The following FBRSL1 variants were observed in gnomAD, a reference collection of about 807,000 sequenced individuals.
FBRSL1 encodes fibrosin like 1.
In FBRSL1, 51 loss-of-function variants were observed where a neutral mutation model predicts 89.6. That is an observed-to-expected ratio of 0.57 (90% CI 0.45 to 0.72). FBRSL1 has a LOEUF of 0.72. Ranked by LOEUF, FBRSL1 falls within the 30% of genes least tolerant of loss-of-function variation. FBRSL1 has a pLI of 0.00. For missense variants in FBRSL1, 1,618 were observed against 1,451.8 expected (o/e 1.11, Z -1.86); for synonymous variants, 779 against 681.1 (o/e 1.14, Z -2.24).
chr12:132,528,048 C>A, intron 4 of FBRSL1, 60 bp downstream of exon 4: 1 of 1,451,800 alleles, frequency 6.9e-7, no homozygotes, highest in Non-Finnish European at 9.5e-7. Flanking sequence ...GACCAGGTCC[C>A]CACCTCACCT....
chr12:132,581,588 G>C, intron 16 of FBRSL1, 72 bp downstream of exon 16: 4 of 1,525,792 alleles, frequency 2.6e-6, no homozygotes, highest in Non-Finnish European at 3.6e-6. Flanking sequence ...GGAATTAGGT[G>C]GGCGGGAAGG....
At chr12:132,510,105 C>G in intron 2 of FBRSL1, 4 of 1,225,778 alleles carry the variant, frequency 3.3e-6, no homozygotes, top group Non-Finnish European at 4.1e-6. Flanking sequence ...GCTCATGGGC[C>G]CGGAGCAGCC....
intron 1 of FBRSL1, among the ~76,000 whole-genome samples, chr12:132,501,291 C>T (rs112848641): frequency 2.0e-4 from 31 of 152,330 alleles, no homozygotes; most frequent in African/African-American, 6.5e-4. Context: ...AAGCTGGGGC[C>T]GAGCGGCGGC....
chr12:132,571,458 G>T, intron 9 of FBRSL1: 1 of 1,550,326 alleles, frequency 6.5e-7, no homozygotes, highest in South Asian at 1.2e-5. Flanking sequence ...ACACACACCA[G>T]CACCAACACA....
chr12:132,568,328 G>A (rs1566220177), intron 6 of FBRSL1, among the ~76,000 whole-genome samples: 1 of 152,272 alleles, frequency 6.6e-6, no homozygotes, highest in Non-Finnish European at 1.5e-5. Context: ...GCCAATGCCG[G>A]CAAGGATGGG....
intron 11 of FBRSL1, among the ~76,000 whole-genome samples, chr12:132,573,341 C>G (rs1371533438): frequency 6.6e-6 from 1 of 152,174 alleles, no homozygotes. Flanking sequence ...CCCTGGGCTC[C>G]CCTGGGGCAC....
chr12:132,575,978 G>T (rs1281844874), intron 14 of FBRSL1, among the ~76,000 whole-genome samples: 1 of 152,226 alleles, frequency 6.6e-6, no homozygotes, highest in Non-Finnish European at 1.5e-5. Flanking sequence ...GGGAGGGCAT[G>T]GGCATCCCCA....
At chr12:132,531,553 G>A (rs914987702) in intron 4 of FBRSL1, among the ~76,000 whole-genome samples, 1 of 151,210 alleles carries the variant, frequency 6.6e-6, no homozygotes, top group East Asian at 1.9e-4. Flanking sequence ...GTGTGTGCGT[G>A]TGTGTGTGTG....
chr12:132,575,028 G>T (rs561378560), intron 14 of FBRSL1, among the ~76,000 whole-genome samples: 2 of 152,144 alleles, frequency 1.3e-5, no homozygotes, highest in South Asian at 4.2e-4. Flanking sequence ...GCTCGGTGCA[G>T]GTCCCACCAG....
chr12:132,540,815 C>T (rs1419541005), intron 4 of FBRSL1, among the ~76,000 whole-genome samples: 1 of 152,166 alleles, frequency 6.6e-6, no homozygotes, highest in Non-Finnish European at 1.5e-5. Context: ...CCCCACAAGC[C>T]CAGATCCCCA....
At chr12:132,558,369 G>T (rs561696837) in intron 5 of FBRSL1, among the ~76,000 whole-genome samples, 51 of 152,350 alleles carry the variant, frequency 3.3e-4, no homozygotes, top group African/African-American at 1.2e-3. Context: ...TTTCTCGTCG[G>T]TGAGACGAGT....
chr12:132,562,809 G>A (rs1566207725), intron 5 of FBRSL1, among the ~76,000 whole-genome samples: 1 of 152,156 alleles, frequency 6.6e-6, no homozygotes, highest in Non-Finnish European at 1.5e-5. Context: ...CTTCTCTGTG[G>A]TTCAGGCCCT....
chr12:132,550,497 G>GA (rs1427758959), intron 5 of FBRSL1, among the ~76,000 whole-genome samples: 312 of 152,290 alleles, frequency 2.0e-3, no homozygotes, highest in Admixed American at 4.3e-3. Flanking sequence ...AGGCTGCTCG[G>GA]GGAGAGCAGC....
intron 2 of FBRSL1, among the ~76,000 whole-genome samples, chr12:132,512,172 C>T (rs2034417218): frequency 6.6e-6 from 1 of 152,226 alleles, no homozygotes; most frequent in Non-Finnish European, 1.5e-5. Context: ...CAGATCCCCC[C>T]ACCGCAAGGC....
intron 5 of FBRSL1, chr12:132,565,712 C>T (rs2039565668): frequency 6.6e-6 from 1 of 152,340 alleles, no homozygotes; most frequent in Non-Finnish European, 1.5e-5. Flanking sequence ...CCACATAACA[C>T]TCCTTCTTTG....
intron 2 of FBRSL1, among the ~76,000 whole-genome samples, chr12:132,516,192 CTTTTT>C (rs1253503503): frequency 7.1e-6 from 1 of 140,324 alleles, no homozygotes; most frequent in African/African-American, 2.6e-5. Flanking sequence ...TCCGAATAGT[CTTTTT>C]TTTTTTTTTT....
intron 2 of FBRSL1, among the ~76,000 whole-genome samples, chr12:132,524,125 TG>T (rs1209045920): frequency 2.0e-5 from 3 of 152,208 alleles, no homozygotes; most frequent in Non-Finnish European, 4.4e-5. Flanking sequence ...CAGTTACAGA[TG>T]CCGAAACTGA....
chr12:132,534,974 C>G (rs932196622), intron 4 of FBRSL1, among the ~76,000 whole-genome samples: 1 of 152,254 alleles, frequency 6.6e-6, no homozygotes, highest in Non-Finnish European at 1.5e-5. Context: ...GCAGGACAGC[C>G]CCACAGGGCA....
intron 4 of FBRSL1, among the ~76,000 whole-genome samples, chr12:132,537,448 C>T (rs1001841637): frequency 2.0e-5 from 3 of 152,260 alleles, no homozygotes; most frequent in African/African-American, 7.2e-5. Flanking sequence ...CCTCCCTGGC[C>T]CGTGTCCCAG....
Sources: allele counts gnomAD v4.1 joint callset (sites outside exome capture counted in the v4.1 genomes callset), GRCh38; gene constraint gnomAD v4.1.1; transcripts MANE v1.5; gene names NCBI Gene and HGNC (gene_info 2026-07-23, HGNC 2026-07-21).